PPP2R3A: variants seen among roughly 807,000 people sequenced by gnomAD.
The protein encoded by PPP2R3A is serine/threonine-protein phosphatase 2A regulatory subunit B'' subunit alpha.
PPP2R3A carries 80 observed loss-of-function variants against 106.9 expected under a neutral mutation model. The observed-to-expected ratio is 0.75, with a 90% CI of 0.62 to 0.90. The LOEUF (loss-of-function observed/expected upper bound fraction) is 0.90, where lower values mean the gene tolerates loss of function less well. Ranked by LOEUF, PPP2R3A falls within the 40% of genes least tolerant of loss-of-function variation. The pLI, the probability that PPP2R3A is intolerant of heterozygous loss-of-function variation, is 0.00. For synonymous variants in PPP2R3A, 483 were observed against 468.3 expected (o/e 1.03, Z -0.41); for missense variants, 1,386 against 1,350.4 (o/e 1.03, Z -0.41).
intron 1 of PPP2R3A, among the ~76,000 whole-genome samples, chr3:135,999,763 T>C (rs931747156): frequency 6.6e-6 from 1 of 152,100 alleles, no homozygotes; most frequent in African/African-American, 2.4e-5. Flanking sequence ...TTTTTATTTA[T>C]TTACTTATTT....
At chr3:136,103,834 C>A (rs916998770) in intron 12 of PPP2R3A, among the ~76,000 whole-genome samples, 2 of 152,122 alleles carry the variant, frequency 1.3e-5, no homozygotes, top group African/African-American at 4.8e-5. Context: ...AATAATATAA[C>A]GCCTTTTCAC....
intron 5 of PPP2R3A, among the ~76,000 whole-genome samples, chr3:136,053,726 G>T (rs1251335751): frequency 6.6e-6 from 1 of 152,078 alleles, no homozygotes; most frequent in Non-Finnish European, 1.5e-5. Flanking sequence ...TGGAGATCCC[G>T]GGAGGTCTCA....
chr3:136,057,947 G>C (rs542999076), intron 5 of PPP2R3A, among the ~76,000 whole-genome samples: 16 of 152,228 alleles, frequency 1.1e-4, no homozygotes, highest in African/African-American at 3.9e-4. Flanking sequence ...CTACTACTGG[G>C]TGTATATCCA....
At position 136,102,151 on chromosome 3, in the gene PPP2R3A, G is replaced by A. The variant is rs1346819938; in HGVS notation, c.3072G>A (p.Gln1024=). 8.1e-6 allele frequency: 13 copies of A among 1,613,394 alleles called. No individual in the cohort carries two copies. The highest frequency in any genetic ancestry group is 9.3e-6 in the Non-Finnish European group (11 of 1,180,000). Residue 1024 remains glutamine, a synonymous_variant, in exon 11 of 14, where the codon CAG becomes CAA. Coordinates refer to ENST00000264977, the MANE Select transcript of PPP2R3A (RefSeq NM_002718.5). The stretch of plus-strand genomic sequence containing the variant: ...TGCCATTCCATGATTTACTGTGCCA[G>A]ATGCTTGACCTAGTGAAGCCAGCTG... ...EPLPFHDLLC[Q]MLDLVKPAVD... is the part of the protein sequence containing the mutation.
chr3:136,019,134 A>G (rs1934376231), intron 2 of PPP2R3A, among the ~76,000 whole-genome samples: 1 of 152,238 alleles, frequency 6.6e-6, no homozygotes, highest in African/African-American at 2.4e-5. Flanking sequence ...AGTGATCTGC[A>G]GGCCAAGAAG....
chr3:136,090,986 G>T (rs940506744), intron 10 of PPP2R3A, among the ~76,000 whole-genome samples: 1 of 152,224 alleles, frequency 6.6e-6, no homozygotes, highest in South Asian at 2.1e-4. Flanking sequence ...CATCTTACTG[G>T]TTGAATGGTA....
intron 2 of PPP2R3A, among the ~76,000 whole-genome samples, chr3:136,010,487 C>T (rs1420818871): frequency 2.5e-5 from 3 of 121,730 alleles, no homozygotes; most frequent in African/African-American, 3.3e-5. Context: ...AGTGCAGTGG[C>T]GGGATCTCGG....
intron 2 of PPP2R3A, among the ~76,000 whole-genome samples, chr3:136,018,555 C>T (rs1022541590): frequency 5.9e-5 from 9 of 152,190 alleles, no homozygotes; most frequent in African/African-American, 2.2e-4. Flanking sequence ...GGATTTCAAA[C>T]TAAGCCTAAC....
chr3:136,004,765 G>A (rs921128558), intron 2 of PPP2R3A, among the ~76,000 whole-genome samples: 1 of 152,134 alleles, frequency 6.6e-6, no homozygotes, highest in East Asian at 1.9e-4. Context: ...GAGGAAGGGC[G>A]TACAGGGGGC....
At chr3:136,007,423 C>A (rs73222211) in intron 2 of PPP2R3A, among the ~76,000 whole-genome samples, 126 of 152,300 alleles carry the variant, frequency 8.3e-4, no homozygotes, top group Admixed American at 1.5e-3. Context: ...GGGTGCCCTT[C>A]TCAGACTTCA....
chr3:136,137,850 G>C (rs1440843160), intron 13 of PPP2R3A, among the ~76,000 whole-genome samples: 2 of 152,040 alleles, frequency 1.3e-5, no homozygotes, highest in African/African-American at 4.8e-5. Context: ...CTCTGTCAGA[G>C]ATCTACATTT....
chr3:136,085,217 G>A lies in PPP2R3A; in HGVS notation c.2789-2666G>A, dbSNP rs112331996. 8.7e-3 allele frequency among the ~76,000 whole-genome samples: 1,326 copies of A among 152,146 alleles called. 28 individuals are homozygous for A. Among genetic ancestry groups the A allele is most frequent in the African/African-American group, 0.029 (1,198 of 41,468 alleles). On this transcript the variant is annotated intron_variant, in intron 8 of 13. Transcript: ENST00000264977. The stretch of plus-strand genomic sequence containing the variant: ...TAGGAGTTAATTGAGTCATGGGGGC[G>A]GGTCTTTCCTGTGCTGCTCTCATGA...
rs928014273 is a variant in PPP2R3A at position 136,087,951 on chromosome 3, T to C, written c.2837+20T>C. 2.5e-6 allele frequency: 4 copies of C among 1,585,094 alleles called. No homozygotes were observed. The highest frequency in any genetic ancestry group is 3.5e-6 in the Non-Finnish European group (4 of 1,155,860). On this transcript the variant is annotated intron_variant, in intron 9 of 13. Coordinates refer to ENST00000264977, the MANE Select transcript of PPP2R3A (RefSeq NM_002718.5). ...AACAAGGTAAGAAAACGTTTAATGC[T>C]GTGTTTAAAAATGAACTACAAGTAA...
intron 2 of PPP2R3A, 31 bp downstream of exon 2, chr3:136,003,524 C>T: frequency 6.6e-7 from 1 of 1,516,178 alleles, no homozygotes; most frequent in Admixed American, 2.3e-5. Flanking sequence ...GTCCTAGGAA[C>T]TCTTTAAAAA....
chr3:136,078,390 A>G lies in PPP2R3A; in HGVS notation c.2568A>G (p.Thr856=), dbSNP rs61756431. The change falls in exon 7 of 14, where the codon ACA becomes ACG. Residue 856 remains threonine (T), a synonymous_variant. Transcript: ENST00000264977. ...AGGTTATTCAGAGAATATTCTACAC[A>G]GTCAACAGATCTTGGAGTGGAAAAA... ...ITTVIQRIFY[T]VNRSWSGKIT... is the part of the protein sequence containing the mutation. 7.5e-3 allele frequency: 12,122 copies of G among 1,609,208 alleles called. 77 individuals are homozygous for G. The highest frequency in any genetic ancestry group is 9.0e-3 in the Non-Finnish European group (10,583 of 1,176,778).
At chr3:135,968,753 T>C (rs963425080) in intron 1 of PPP2R3A, among the ~76,000 whole-genome samples, 1 of 152,232 alleles carries the variant, frequency 6.6e-6, no homozygotes, top group African/African-American at 2.4e-5. Context: ...TGTATATCAT[T>C]GTAGACATTT....
intron 13 of PPP2R3A, chr3:136,106,574 A>ACT: frequency 2.1e-6 from 1 of 470,800 alleles, no homozygotes; most frequent in Non-Finnish European, 3.8e-6. Flanking sequence ...GAACAATCAA[A>ACT]CTACTGTTTT....
At chr3:135,977,365 A>T (rs536671605) in intron 1 of PPP2R3A, among the ~76,000 whole-genome samples, 4 of 152,334 alleles carry the variant, frequency 2.6e-5, no homozygotes, top group African/African-American at 9.6e-5. Flanking sequence ...AAAATATTTA[A>T]ATATTTTTCC....
At chr3:135,966,761 C>T (rs565580140) in intron 1 of PPP2R3A, among the ~76,000 whole-genome samples, 18 of 152,016 alleles carry the variant, frequency 1.2e-4, no homozygotes, top group South Asian at 2.1e-4. Context: ...AACACGTAAG[C>T]AAAAAAAGAG....
Sources: allele counts gnomAD v4.1 joint callset (sites outside exome capture counted in the v4.1 genomes callset), GRCh38; gene constraint gnomAD v4.1.1; transcripts MANE v1.5; gene names NCBI Gene and HGNC (gene_info 2026-07-23, HGNC 2026-07-21).